The following SRCIN1 variants were observed in gnomAD, a reference collection of about 807,000 sequenced individuals.
The protein encoded by SRCIN1 is SRC kinase signaling inhibitor 1, also known as P130Cas-associated protein.
Under a neutral mutation model 116.2 loss-of-function variants are expected in SRCIN1, and 50 were observed. That is an observed-to-expected ratio of 0.43 (90% CI 0.34 to 0.54). The LOEUF (loss-of-function observed/expected upper bound fraction) is 0.54. Ranked by LOEUF, SRCIN1 falls within the 20% of genes least tolerant of loss-of-function variation. The pLI is 0.02. For synonymous variants in SRCIN1, 736 were observed against 750.0 expected (o/e 0.98, Z 0.30); for missense variants, 1,446 against 1,672.0 (o/e 0.86, Z 2.36).
chr17:38,558,306 G>C lies in SRCIN1; in HGVS notation c.2122C>G (p.Leu708Val), dbSNP rs2143153730. ...SEAARRQEDP[L>V]QRQRTLVEEE... Reference sequence around the variant, plus strand: ...TCCACCAGGGTGCGCTGCCGCTGCAGCGGGTCCTCCTGCCGCCGCGCCGCC... The same window carrying C: ...TCCACCAGGGTGCGCTGCCGCTGCACCGGGTCCTCCTGCCGCCGCGCCGCC... The change falls in exon 11 of 19, where the codon CTG (leucine) becomes GTG (valine). Residue 708 changes from leucine (L) to valine (V), a missense_variant. By Grantham distance (32) the Leu-to-Val change is conservative. This residue lies in a region of SRCIN1 where 398 missense variants were observed against 385.6 expected (regional missense o/e 1.03). Coordinates refer to ENST00000617146, the MANE Select transcript of SRCIN1 (RefSeq NM_025248.3). The surrounding 1 kb of genome is among the most constrained non-coding windows in gnomAD (Gnocchi z 4.6). 6.2e-7 allele frequency: 1 copy of C among 1,611,636 alleles called. No individual in the cohort carries two copies. Among genetic ancestry groups the C allele is most frequent in the Middle Eastern group, 1.7e-4 (1 of 6,060 alleles).
chr17:38,582,507 G>A (rs1387255775), intron 1 of SRCIN1, among the ~76,000 whole-genome samples: 1 of 152,234 alleles, frequency 6.6e-6, no homozygotes, highest in Non-Finnish European at 1.5e-5. Context: ...CACAGACAGG[G>A]AAGCAGGGAC....
chr17:38,581,808 A>G (rs1007910603), intron 1 of SRCIN1, among the ~76,000 whole-genome samples: 5 of 152,152 alleles, frequency 3.3e-5, no homozygotes, highest in Non-Finnish European at 7.4e-5. Context: ...GGCCTGAATA[A>G]TGCCTCCATG....
At chr17:38,550,348 A>G (rs575089431) in intron 15 of SRCIN1, among the ~76,000 whole-genome samples, 8 of 152,132 alleles carry the variant, frequency 5.3e-5, no homozygotes, top group African/African-American at 1.9e-4. Context: ...CAAAAAAATT[A>G]GCCGGGCGTG....
At chr17:38,533,769 G>A (rs1384468286) in intron 18 of SRCIN1, among the ~76,000 whole-genome samples, 1 of 131,992 alleles carries the variant, frequency 7.6e-6, no homozygotes, top group East Asian at 2.8e-4. Flanking sequence ...GGTGGGGGAG[G>A]GCAGGGGAGG....
In SRCIN1 at chr17:38,563,339, C is replaced by G. The variant is rs1372924790; in HGVS notation, c.724G>C (p.Glu242Gln). 2 of 1,574,176 alleles carry G rather than the reference C, an allele frequency of 1.3e-6. No individual in the cohort carries two copies. Among genetic ancestry groups the G allele is most frequent in the South Asian group, 1.2e-5 (1 of 85,396 alleles). Residue 242 changes from glutamate to glutamine, a missense_variant, in exon 5 of 19, where the codon GAG (glutamate) becomes CAG (glutamine). Physicochemically the swap from Glu to Gln is conservative, Grantham distance 29. Around this residue, in one of 5 missense-constraint regions of SRCIN1, gnomAD observed 239 missense variants for 317.7 expected, o/e 0.75. Coordinates refer to ENST00000617146, the MANE Select transcript of SRCIN1 (RefSeq NM_025248.3). The surrounding 1 kb of genome is among the most constrained non-coding windows in gnomAD (Gnocchi z 5.8). ...IKDEARNVFY[E>Q]LEDVRDIQDR... is the part of the protein sequence containing the mutation. ...CACGCCCACCGGACGTCCTCCAGCT[C>G]GTAGAAGACGTTGCGAGCCTCGTCT...
chr17:38,596,826 G>A (rs1008076433), intron 1 of SRCIN1, among the ~76,000 whole-genome samples: 52 of 152,094 alleles, frequency 3.4e-4, no homozygotes, highest in African/African-American at 1.1e-3. Context: ...CCTAGCTACT[G>A]CCTCCACACC....
chr17:38,561,796 C>T lies in SRCIN1; in HGVS notation c.1367G>A (p.Gly456Asp). ...DLEDSLYKAAGGGGPLYGDGY... is the reference protein window; with the variant it reads ...DLEDSLYKAADGGGPLYGDGY... ...GTCGCCGTACAGCGGGCCGCCGCCG[C>T]CCGCCGCCTTGTACAGGGAGTCCTC... Residue 456 changes from glycine (G) to aspartate (D), a missense_variant, in exon 7 of 19, where the codon GGC (glycine) becomes GAC (aspartate). By Grantham distance (94) the Gly-to-Asp change is moderately conservative. Around this residue, in one of 5 missense-constraint regions of SRCIN1, gnomAD observed 398 missense variants for 385.6 expected, o/e 1.03. Transcript: ENST00000617146. 1 of 1,483,772 alleles carries T rather than the reference C, an allele frequency of 6.7e-7. No individual in the cohort carries two copies. Among genetic ancestry groups the T allele is most frequent in the Non-Finnish European group, 8.9e-7 (1 of 1,124,296 alleles). The allele number at this position is 1,483,772 out of a possible 1,614,324, so 91.9% of individuals were successfully genotyped here. A position where few individuals can be genotyped will look rare whatever the true frequency, so the allele number is the denominator to read the frequency against.
intron 2 of SRCIN1, among the ~76,000 whole-genome samples, chr17:38,574,549 G>A (rs1469081784): frequency 6.6e-6 from 1 of 152,102 alleles, no homozygotes; most frequent in Non-Finnish European, 1.5e-5. Flanking sequence ...AGTGGGAGGA[G>A]GGCATAAAAC....
In SRCIN1 at chr17:38,560,362, T is replaced by C; in HGVS notation, c.1764A>G (p.Leu588=). The stretch of plus-strand genomic sequence containing the variant: ...GGGTCTCAGGCTCAGAGCCTCGCAG[T>C]AAGGCGCTCTGCACCAGGCCTGTGA... ...ASLTGLVQSA[L]LRGSEPETPS... The change falls in exon 8 of 19, where the codon TTA becomes TTG. Residue 588 remains leucine, a synonymous_variant. Coordinates refer to ENST00000617146, the MANE Select transcript of SRCIN1 (RefSeq NM_025248.3). The C allele has an allele frequency of 6.2e-7, 1 of 1,611,688 alleles. No homozygotes were observed. Among genetic ancestry groups the C allele is most frequent in the Non-Finnish European group, 8.5e-7 (1 of 1,179,002 alleles).
rs1197217317 is a variant in SRCIN1, at chr17:38,531,907, G to GGGAATCC, written c.*1383_*1389dup. 4 of 153,338 alleles carry GGGAATCC rather than the reference G, an allele frequency of 2.6e-5. No individual in the cohort carries two copies. Among genetic ancestry groups the GGGAATCC allele is most frequent in the Non-Finnish European group, 5.8e-5 (4 of 68,642 alleles). 9.5% of individuals were successfully genotyped at this position (153,338 alleles called of 1,614,324 possible). On this transcript the variant is annotated 3_prime_UTR_variant, in exon 19 of 19. Transcript: ENST00000617146. ...GCTTACTTCACTTTGTGCTCCAAGT[G>GGGAATCC]GGAATCCTGCGGCCGGGGACCCCGC...
chr17:38,550,449 G>A (rs921740969), intron 15 of SRCIN1, among the ~76,000 whole-genome samples: 2 of 152,190 alleles, frequency 1.3e-5, no homozygotes, highest in Middle Eastern at 3.4e-3. Flanking sequence ...AGCCAAGATA[G>A]CGCCACTGCA....
In SRCIN1 at chr17:38,561,983, C is replaced by G; in HGVS notation, c.1180G>C (p.Gly394Arg). ...AGCCCGTAGGGGTCAGCATAGAGGC[C>G]CTCGCCTTTCACCAGCACCATGCCG... ...AGGMVLVKGE[G>R]LYADPYGLLH... The change falls in exon 7 of 19, where the codon GGC becomes CGC. Residue 394 changes from glycine to arginine, a missense_variant. Gly to Arg is a moderately radical substitution (Grantham distance 125, BLOSUM62 -2). Transcript: ENST00000617146. 1 of 1,492,370 alleles carries G rather than the reference C, an allele frequency of 6.7e-7. No homozygotes were observed. The highest frequency in any genetic ancestry group is 1.5e-5 in the African/African-American group (1 of 68,626). The allele number at this position is 1,492,370 out of a possible 1,614,324, so 92.4% of individuals were successfully genotyped here.
At position 38,530,269 on chromosome 17, in the gene SRCIN1, G is replaced by A. The variant is rs956396266; in HGVS notation, c.*3028C>T. The A allele has an allele frequency of 1.3e-5, 2 of 152,258 alleles. No homozygotes were observed. The highest frequency in any genetic ancestry group is 4.8e-5 in the African/African-American group (2 of 41,462). The allele number at this position is 152,258 out of a possible 1,614,324, so 9.4% of individuals were successfully genotyped here. A position where few individuals can be genotyped will look rare whatever the true frequency, so the allele number is the denominator to read the frequency against. On this transcript the variant is annotated 3_prime_UTR_variant, in exon 19 of 19. Coordinates refer to ENST00000617146, the MANE Select transcript of SRCIN1 (RefSeq NM_025248.3). ...CCCTACAGGGTGGATGGGGCAGGGT[G>A]TGGAGCCGGGGCTCACCCCGGGGGG...
chr17:38,555,679 C>T (rs1451977236), intron 11 of SRCIN1, among the ~76,000 whole-genome samples: 1 of 152,220 alleles, frequency 6.6e-6, no homozygotes, highest in East Asian at 1.9e-4. Context: ...CTACTCACAT[C>T]TGACATCAGC....
At chr17:38,594,700 A>T (rs1908629067) in intron 1 of SRCIN1, among the ~76,000 whole-genome samples, 1 of 151,974 alleles carries the variant, frequency 6.6e-6, no homozygotes, top group South Asian at 2.1e-4. Flanking sequence ...AGGCACAAAC[A>T]CTGAGGCTCA....
intron 1 of SRCIN1, 127 bp downstream of exon 1, chr17:38,605,557 G>T: frequency 3.3e-6 from 2 of 614,106 alleles, no homozygotes; most frequent in Non-Finnish European, 4.8e-6. Context: ...TCGCCCCGCC[G>T]GCCACCGCCT....
At chr17:38,574,676 G>T (rs180850136) in intron 2 of SRCIN1, among the ~76,000 whole-genome samples, 1 of 152,206 alleles carries the variant, frequency 6.6e-6, no homozygotes, top group Non-Finnish European at 1.5e-5. Flanking sequence ...CCAGGCCTGA[G>T]GAGGTAGTGG....
chr17:38,561,622 C>A lies in SRCIN1; in HGVS notation c.1541G>T (p.Gly514Val), dbSNP rs773929593. 3 of 1,583,964 alleles carry A rather than the reference C, an allele frequency of 1.9e-6. No homozygotes were observed. The East Asian group carries it at 7.1e-5, about 37-fold the overall frequency. ...ACTCTCGGCAAAGACGGACGAGGAG[C>A]CCGAGTCCTTGCGGAAGGACTGGCG... ...PVRQSFRKDS[G>V]SSSVFAESPG... is the part of the protein sequence containing the mutation. The change falls in exon 7 of 19, where the codon GGC becomes GTC. Residue 514 changes from glycine (G) to valine (V), a missense_variant. Coordinates refer to ENST00000617146, the MANE Select transcript of SRCIN1 (RefSeq NM_025248.3).
Position 38,578,585 on chromosome 17 carries a change from C to G in SRCIN1, c.229G>C (p.Asp77His). ...ALSGLQKADADRKRDAFMDHL... is the reference protein window; with the variant it reads ...ALSGLQKADAHRKRDAFMDHL... ...TCCATGAAGGCATCACGCTTGCGGT[C>G]GGCGTCCGCCTTCTGGAGCCCGCTG... is the stretch of plus-strand genomic sequence containing the variant. Residue 77 changes from aspartate (D) to histidine (H), a missense_variant, in exon 2 of 19, where the codon GAC (aspartate) becomes CAC (histidine). By Grantham distance (81) the Asp-to-His change is moderately conservative (BLOSUM62 -1). This residue lies in a region of SRCIN1 where 246 missense variants were observed against 265.1 expected (regional missense o/e 0.93). Transcript: ENST00000617146. 6.2e-7 allele frequency: 1 copy of G among 1,612,100 alleles called. No individual in the cohort carries two copies. Among genetic ancestry groups the G allele is most frequent in the Non-Finnish European group, 8.5e-7 (1 of 1,178,984 alleles).
Sources: allele counts gnomAD v4.1 joint callset (sites outside exome capture counted in the v4.1 genomes callset), GRCh38; gene constraint gnomAD v4.1.1; regional missense constraint gnomAD v4.1.1; non-coding constraint Gnocchi (gnomAD v3.1); transcripts MANE v1.5; gene names NCBI Gene and HGNC (gene_info 2026-07-23, HGNC 2026-07-21).